The following ANKS1B variants were observed in gnomAD, a reference collection of about 807,000 sequenced individuals.
ANKS1B encodes ankyrin repeat and sterile alpha motif domain-containing protein 1B.
Under a neutral mutation model 148.3 loss-of-function variants are expected in ANKS1B, and 36 were observed. The ratio of observed to expected loss-of-function variants is 0.24; its 90% CI spans 0.19 to 0.32. The LOEUF (loss-of-function observed/expected upper bound fraction) is 0.32, where lower values mean the gene tolerates loss of function less well. Among genes scored for constraint, ANKS1B ranks in the 10% least tolerant of loss-of-function variants. ANKS1B has a pLI of 1.00. For synonymous variants in ANKS1B, 542 were observed against 560.8 expected (o/e 0.97, Z 0.47); for missense variants, 1,157 against 1,542.6 (o/e 0.75, Z 4.19).
chr12:99,612,696 ATGGCTTG>A (rs1198998948), intron 9 of ANKS1B, among the ~76,000 whole-genome samples: 1 of 152,132 alleles, frequency 6.6e-6, no homozygotes, highest in Non-Finnish European at 1.5e-5. Flanking sequence ...ACAAGTTTGC[ATGGCTTG>A]TGGCTACATC....
intron 14 of ANKS1B, among the ~76,000 whole-genome samples, chr12:99,230,866 AAAT>A (rs1300814004): frequency 4.6e-5 from 7 of 152,148 alleles, no homozygotes; most frequent in Admixed American, 4.6e-4. Context: ...ATGTTATATA[AAAT>A]AATAATAAAA....
chr12:99,125,213 T>C (rs1489441265), intron 15 of ANKS1B, among the ~76,000 whole-genome samples: 1 of 152,124 alleles, frequency 6.6e-6, no homozygotes, highest in East Asian at 1.9e-4. Flanking sequence ...AGGGGCCACA[T>C]AGTTTAAATG....
intron 7 of ANKS1B, among the ~76,000 whole-genome samples, chr12:99,774,574 A>G (rs1293814118): frequency 2.0e-5 from 3 of 152,076 alleles, no homozygotes; most frequent in Non-Finnish European, 4.4e-5. Flanking sequence ...CAGTATGGAG[A>G]TTCCTCAAAA....
Position 99,984,373 on chromosome 12 carries a change from T to C in ANKS1B, c.-136A>G. 1 of 446,862 alleles carries C rather than the reference T, an allele frequency of 2.2e-6. No individual in the cohort carries two copies. The highest frequency in any genetic ancestry group is 3.7e-6 in the Non-Finnish European group (1 of 267,108). The allele number at this position is 446,862 out of a possible 1,614,324, so 27.7% of individuals were successfully genotyped here. Reference sequence around the variant, plus strand: ...AAGAGCTTCAGCACGGAGAGCTCCCTGCAGCCCCAGGCAGGGAGCACGACT... The same window carrying C: ...AAGAGCTTCAGCACGGAGAGCTCCCCGCAGCCCCAGGCAGGGAGCACGACT... On this transcript the variant is annotated 5_prime_UTR_variant, in exon 1 of 27. Transcript: ENST00000683438.
At position 98,832,911 on chromosome 12, in the gene ANKS1B, T is replaced by TA. The variant is rs965280692; in HGVS notation, c.2779-776dup. 1.4e-4 allele frequency among the ~76,000 whole-genome samples: 21 copies of TA among 150,724 alleles called. No individual in the cohort carries two copies. The South Asian group carries it at 1.9e-3, about 14-fold the overall frequency. On this transcript the variant is annotated intron_variant, in intron 17 of 26. Coordinates refer to ENST00000683438, the MANE Select transcript of ANKS1B (RefSeq NM_001352186.2). ...TTTCCCAAAAGCATAAAAGGATGAC[T>TA]AAAAAAAAATAAGGGATTAATGAAT...
chr12:99,748,121 T>C (rs2060774962), intron 8 of ANKS1B, among the ~76,000 whole-genome samples: 1 of 152,116 alleles, frequency 6.6e-6, no homozygotes, highest in Non-Finnish European at 1.5e-5. Context: ...ATCATGGTAC[T>C]GGGTTAAGTT....
intron 16 of ANKS1B, among the ~76,000 whole-genome samples, chr12:99,057,741 T>A (rs533456371): frequency 3.3e-5 from 5 of 152,028 alleles, no homozygotes. Context: ...AGTGTGGTGG[T>A]TAGAGACGAG....
At chr12:99,068,078 T>G (rs543817670) in intron 16 of ANKS1B, among the ~76,000 whole-genome samples, 1 of 152,274 alleles carries the variant, frequency 6.6e-6, no homozygotes, top group African/African-American at 2.4e-5. Flanking sequence ...ATCATATGTA[T>G]AACATCATTC....
At chr12:99,408,825 CT>C (rs2094593825) in intron 11 of ANKS1B, among the ~76,000 whole-genome samples, 1 of 145,702 alleles carries the variant, frequency 6.9e-6, no homozygotes, top group African/African-American at 2.6e-5. Context: ...GTTAAAATGG[CT>C]TTTATCCAAA....
chr12:99,584,505 A>G (rs787418), intron 9 of ANKS1B, among the ~76,000 whole-genome samples: 61,741 of 151,814 alleles, frequency 0.41, 12,675 homozygotes, highest in South Asian at 0.48. Context: ...GGCTGAGTTA[A>G]AGGATTGTTT....
chr12:99,298,772 A>T (rs959562876), intron 12 of ANKS1B, among the ~76,000 whole-genome samples: 3 of 152,338 alleles, frequency 2.0e-5, no homozygotes, highest in Non-Finnish European at 2.9e-5. Context: ...AGGCTATACA[A>T]ATATTAAAGT....
chr12:99,567,323 A>G (rs935853525), intron 9 of ANKS1B, among the ~76,000 whole-genome samples: 1 of 151,986 alleles, frequency 6.6e-6, no homozygotes, highest in African/African-American at 2.4e-5. Flanking sequence ...AGTAAAATCT[A>G]CCCTCAATAA....
intron 25 of ANKS1B, among the ~76,000 whole-genome samples, chr12:98,752,833 C>T (rs2098129231): frequency 6.6e-6 from 1 of 152,162 alleles, no homozygotes; most frequent in Non-Finnish European, 1.5e-5. Context: ...GATGATCCCA[C>T]ACACTCCACA....
At chr12:99,785,945 C>T (rs528118072) in intron 4 of ANKS1B, among the ~76,000 whole-genome samples, 1 of 152,224 alleles carries the variant, frequency 6.6e-6, no homozygotes, top group South Asian at 2.1e-4. Flanking sequence ...AAATATACAG[C>T]ACAGTTTTGA....
intron 11 of ANKS1B, among the ~76,000 whole-genome samples, chr12:99,421,202 AATC>A (rs1276459351): frequency 7.9e-5 from 12 of 152,324 alleles, no homozygotes; most frequent in African/African-American, 2.6e-4. Flanking sequence ...TGATGAGTTA[AATC>A]ATAAGGCAGC....
intron 14 of ANKS1B, among the ~76,000 whole-genome samples, chr12:99,213,944 C>T (rs564963593): frequency 2.0e-5 from 3 of 152,290 alleles, no homozygotes; most frequent in African/African-American, 7.2e-5. Context: ...TGCTTCACAT[C>T]AAAGCTGTTG....
intron 17 of ANKS1B, among the ~76,000 whole-genome samples, chr12:98,853,055 T>A (rs2099539908): frequency 6.6e-6 from 1 of 152,186 alleles, no homozygotes; most frequent in African/African-American, 2.4e-5. Context: ...TCTAGAACAC[T>A]GTAAAAGATG....
intron 4 of ANKS1B, among the ~76,000 whole-genome samples, chr12:99,797,748 A>G (rs113912953): frequency 2.0e-5 from 3 of 152,040 alleles, no homozygotes; most frequent in African/African-American, 7.2e-5. Flanking sequence ...TAACATCAAT[A>G]ACTGAATTGT....
At chr12:99,792,461 T>C (rs2065775121) in intron 4 of ANKS1B, among the ~76,000 whole-genome samples, 1 of 151,984 alleles carries the variant, frequency 6.6e-6, no homozygotes, top group African/African-American at 2.4e-5. Flanking sequence ...CCAATATCTC[T>C]GATTACTATT....
Sources: allele counts gnomAD v4.1 joint callset (sites outside exome capture counted in the v4.1 genomes callset), GRCh38; gene constraint gnomAD v4.1.1; transcripts MANE v1.5; gene names NCBI Gene and HGNC (gene_info 2026-07-23, HGNC 2026-07-21).